The following FAM234A variants were observed in gnomAD, a reference collection of about 807,000 sequenced individuals.
FAM234A encodes family with sequence similarity 234 member A.
In FAM234A, 42 loss-of-function variants were observed where a neutral mutation model predicts 49.1. The observed-to-expected ratio is 0.86, with a 90% CI of 0.67 to 1.11. FAM234A has a LOEUF of 1.11. Ranked by LOEUF, FAM234A falls within the 50% of genes least tolerant of loss-of-function variation. FAM234A has a pLI of 0.00. For missense variants in FAM234A, 815 were observed against 745.2 expected (o/e 1.09, Z -1.09); for synonymous variants, 369 against 316.2 (o/e 1.17, Z -1.77).
chr16:246,705 C>T (rs544192552), intron 1 of FAM234A, among the ~76,000 whole-genome samples: 1 of 151,404 alleles, frequency 6.6e-6, no homozygotes, highest in African/African-American at 2.4e-5. Flanking sequence ...AGGCGTGAGC[C>T]ACCATGCCCA....
At chr16:235,219 T>C (rs763108646) in intron 1 of FAM234A, among the ~76,000 whole-genome samples, 3 of 152,200 alleles carry the variant, frequency 2.0e-5, no homozygotes, top group Non-Finnish European at 4.4e-5. Context: ...GAGCCGGCCG[T>C]GGTCGCTTTC....
rs140240058 is a variant in FAM234A, at chr16:255,400, C to T, written c.268+719C>T. ...ATTGCTCAAGAGGCTGGGCACAGAC[C>T]GCATCTCTACAAAAAATACAAAAAT... is the stretch of plus-strand genomic sequence containing the variant. On this transcript the variant is annotated intron_variant, in intron 3 of 12. Transcript: ENST00000399932. Among the ~76,000 whole-genome samples the T allele has an allele frequency of 7.2e-4, 109 of 152,134 alleles. 1 individual carries two copies. In the East Asian group the frequency reaches 0.015, roughly 21 times the overall value.
downstream of FAM234A, chr16:269,639 A>G (rs2051825957): frequency 7.3e-7 from 1 of 1,363,084 alleles, no homozygotes; most frequent in African/African-American, 1.4e-5. Context: ...CCTCTCAGCC[A>G]GCTCCACCCG....
chr16:269,592 G>C, downstream of FAM234A: 2 of 1,610,232 alleles, frequency 1.2e-6, no homozygotes, highest in Non-Finnish European at 1.7e-6. Context: ...AGTCCTACAA[G>C]AGACAGCGTC....
chr16:269,771 C>T (rs922373962), downstream of FAM234A: 18 of 572,530 alleles, frequency 3.1e-5, no homozygotes, highest in African/African-American at 1.7e-4. Context: ...CCTGGGCTCC[C>T]GTCTGCCTGG....
At chr16:236,435 C>T (rs1272694777) in intron 1 of FAM234A, among the ~76,000 whole-genome samples, 4 of 144,332 alleles carry the variant, frequency 2.8e-5, no homozygotes, top group Admixed American at 7.0e-5. Flanking sequence ...CCATCCTGTC[C>T]AACATGGTGA....
intron 3 of FAM234A, among the ~76,000 whole-genome samples, chr16:257,961 G>A (rs192443222): frequency 6.6e-6 from 1 of 152,056 alleles, no homozygotes; most frequent in East Asian, 1.9e-4. Flanking sequence ...GGGTTCAGGC[G>A]ATTCTCCTGC....
chr16:250,231 A>G (rs1225893985), intron 2 of FAM234A, among the ~76,000 whole-genome samples: 2 of 152,226 alleles, frequency 1.3e-5, no homozygotes, highest in Admixed American at 6.5e-5. Context: ...GCGCCCGGCC[A>G]GGAATCTATG....
chr16:263,563 G>C (rs1369026323), intron 9 of FAM234A, 137 bp from the exon 10 acceptor site: 15 of 1,286,482 alleles, frequency 1.2e-5, no homozygotes, highest in African/African-American at 1.5e-5. Flanking sequence ...CCTTGCCCCA[G>C]ACGTCGGCTC....
At chr16:263,227 G>A (rs757734017) in intron 8 of FAM234A, 35 bp from the exon 9 acceptor site, 57 of 1,602,520 alleles carry the variant, frequency 3.6e-5, no homozygotes, top group Middle Eastern at 3.4e-4. Context: ...CCGCCCCGGG[G>A]ACCCGGCGCC....
chr16:254,352 C>G, intron 2 of FAM234A, 29 bp from the exon 3 acceptor site: 2 of 1,582,610 alleles, frequency 1.3e-6, no homozygotes, highest in Admixed American at 3.5e-5. Context: ...GACTGCTGGC[C>G]TCGCCGACCT....
At chr16:256,497 C>A (rs1156861330) in intron 3 of FAM234A, among the ~76,000 whole-genome samples, 1 of 152,058 alleles carries the variant, frequency 6.6e-6, no homozygotes, top group Non-Finnish European at 1.5e-5. Context: ...ATTCTTGCAT[C>A]TTCTTTGGTG....
At chr16:257,278 C>A (rs2051273352) in intron 3 of FAM234A, among the ~76,000 whole-genome samples, 1 of 113,734 alleles carries the variant, frequency 8.8e-6, no homozygotes, top group Non-Finnish European at 1.7e-5. Context: ...CAGTCTTGCT[C>A]TGTCATCCAG....
intron 1 of FAM234A, among the ~76,000 whole-genome samples, chr16:241,034 C>T (rs2050593555): frequency 6.6e-6 from 1 of 151,996 alleles, no homozygotes; most frequent in South Asian, 2.1e-4. Flanking sequence ...TCAAGGGAAC[C>T]TCAGTCTCTC....
At chr16:244,129 C>G (rs889259895) in intron 1 of FAM234A, among the ~76,000 whole-genome samples, 1 of 152,064 alleles carries the variant, frequency 6.6e-6, no homozygotes, top group Non-Finnish European at 1.5e-5. Context: ...CCACCACGCC[C>G]GGCTAATTTT....
chr16:268,281 C>T (rs937826137), downstream of FAM234A: 3 of 232,472 alleles, frequency 1.3e-5, no homozygotes, highest in African/African-American at 6.7e-5. Context: ...TGCACCGTCA[C>T]ACCATAAGCT....
chr16:255,237 C>G (rs568418335), intron 3 of FAM234A, among the ~76,000 whole-genome samples: 1 of 152,200 alleles, frequency 6.6e-6, no homozygotes, highest in South Asian at 2.1e-4. Context: ...TCATCCTCCT[C>G]CCTCGGCCTC....
intron 2 of FAM234A, among the ~76,000 whole-genome samples, chr16:250,429 C>T (rs184426132): frequency 6.6e-6 from 1 of 152,184 alleles, no homozygotes; most frequent in East Asian, 1.9e-4. Context: ...GCCTTCCCCA[C>T]CCCCATGCCA....
In FAM234A at chr16:265,068, T is replaced by G. The variant is rs1285349525; in HGVS notation, c.*46T>G. The stretch of plus-strand genomic sequence containing the variant: ...GTGGAGAGACTCCGCCTGCTGACAC[T>G]AAACGTCCTGGGAAGTGGGCCCTTC... On this transcript the variant is annotated 3_prime_UTR_variant, in exon 13 of 13. Coordinates refer to ENST00000399932, the MANE Select transcript of FAM234A (RefSeq NM_032039.4). The G allele has an allele frequency of 6.5e-7, 1 of 1,549,038 alleles. No individual in the cohort carries two copies. Among genetic ancestry groups the G allele is most frequent in the African/African-American group, 1.4e-5 (1 of 73,990 alleles).
Sources: gnomAD v4.1 joint callset for allele counts (sites outside exome capture counted in the v4.1 genomes callset) on GRCh38, gnomAD v4.1.1 for gene constraint, MANE v1.5 for transcripts, NCBI Gene and HGNC (gene_info 2026-07-23, HGNC 2026-07-21) for gene names.